HCN1: variants seen among roughly 807,000 people sequenced by gnomAD.
The protein encoded by HCN1 is potassium/sodium hyperpolarization-activated cyclic nucleotide-gated channel 1.
In HCN1, 13 loss-of-function variants were observed where a neutral mutation model predicts 78.9. The observed-to-expected ratio is 0.16, with a 90% CI of 0.11 to 0.26. The LOEUF (loss-of-function observed/expected upper bound fraction) is 0.26, where lower values mean the gene tolerates loss of function less well. Among genes scored for constraint, HCN1 ranks in the 10% least tolerant of loss-of-function variants. HCN1 has a pLI of 1.00. For missense variants in HCN1, 810 were observed against 1,154.3 expected (o/e 0.70, Z 4.32); for synonymous variants, 552 against 455.5 (o/e 1.21, Z -2.70).
At chr5:45,493,821 A>G (rs1741955485) in intron 2 of HCN1, among the ~76,000 whole-genome samples, 1 of 147,566 alleles carries the variant, frequency 6.8e-6, no homozygotes, top group South Asian at 2.1e-4. Context: ...TCATTGTTCA[A>G]TTCCCACCTA....
chr5:45,316,533 T>G (rs1045370177), intron 5 of HCN1, among the ~76,000 whole-genome samples: 1 of 152,248 alleles, frequency 6.6e-6, no homozygotes, highest in African/African-American at 2.4e-5. Context: ...TCACCACTCC[T>G]ATTCAACATA....
At chr5:45,608,027 TGC>T (rs1454272298) in intron 2 of HCN1, among the ~76,000 whole-genome samples, 10 of 152,058 alleles carry the variant, frequency 6.6e-5, no homozygotes, top group South Asian at 2.1e-4. Flanking sequence ...TTAGTAATGT[TGC>T]TGGATTTAAA....
At chr5:45,578,085 T>G (rs1418658309) in intron 2 of HCN1, among the ~76,000 whole-genome samples, 2 of 151,966 alleles carry the variant, frequency 1.3e-5, no homozygotes, top group Non-Finnish European at 2.9e-5. Context: ...AGGAAGGATA[T>G]TTTTGTCACA....
At chr5:45,463,253 A>G (rs1366675594) in intron 2 of HCN1, among the ~76,000 whole-genome samples, 1 of 152,032 alleles carries the variant, frequency 6.6e-6, no homozygotes, top group Non-Finnish European at 1.5e-5. Context: ...CTCAGAGGTA[A>G]AATGACAGGG....
At chr5:45,695,492 T>A (rs921541944) in intron 1 of HCN1, among the ~76,000 whole-genome samples, 177 bp downstream of exon 1, 2 of 152,112 alleles carry the variant, frequency 1.3e-5, no homozygotes, top group African/African-American at 2.4e-5. Flanking sequence ...GAGCCCCTCC[T>A]GGGTGGAAAC....
intron 1 of HCN1, among the ~76,000 whole-genome samples, chr5:45,658,002 T>A (rs921246284): frequency 6.6e-6 from 1 of 152,198 alleles, no homozygotes; most frequent in African/African-American, 2.4e-5. Flanking sequence ...ACTACAAGGC[T>A]ACAAGTAACC....
intron 2 of HCN1, among the ~76,000 whole-genome samples, chr5:45,497,066 G>A (rs1456257165): frequency 6.6e-6 from 1 of 152,158 alleles, no homozygotes; most frequent in African/African-American, 2.4e-5. Flanking sequence ...TGGTCTGAGA[G>A]ATAGTTTGTT....
Position 45,672,567 on chromosome 5 carries a change from T to TA in HCN1, c.425+23101dup, listed in dbSNP as rs1312900071. Among the ~76,000 whole-genome samples the TA allele has an allele frequency of 8.1e-3, 1,058 of 130,194 alleles. 4 individuals are homozygous for TA. Among genetic ancestry groups the TA allele is most frequent in the African/African-American group, 9.2e-3 (323 of 35,134 alleles). The allele number at this position is 130,194 out of a possible 152,430, so 85.4% of individuals were successfully genotyped here. On this transcript the variant is annotated intron_variant, in intron 1 of 7. Transcript: ENST00000303230. ...ATTAAAAAGTCCTTAGCGAATTAAGTAAAAAAAAAAAAAAACTAAAGTAGA... is the reference window on the plus strand; with the variant it reads ...ATTAAAAAGTCCTTAGCGAATTAAGTAAAAAAAAAAAAAAAACTAAAGTAGA...
chr5:45,341,606 T>G (rs1746583671), intron 5 of HCN1, among the ~76,000 whole-genome samples: 1 of 152,120 alleles, frequency 6.6e-6, no homozygotes, highest in Non-Finnish European at 1.5e-5. Flanking sequence ...AAAAGCAGAC[T>G]GGTTAAGCGC....
intron 2 of HCN1, among the ~76,000 whole-genome samples, chr5:45,553,307 C>T (rs143425505): frequency 1.3e-5 from 2 of 151,934 alleles, no homozygotes; most frequent in Admixed American, 6.6e-5. Context: ...TGGCTACATC[C>T]TCTCTTGCTT....
intron 5 of HCN1, among the ~76,000 whole-genome samples, chr5:45,335,383 T>C (rs1746432458): frequency 1.3e-5 from 2 of 152,106 alleles, no homozygotes; most frequent in Non-Finnish European, 2.9e-5. Flanking sequence ...CCAGCATTTA[T>C]AGAAGTATAC....
intron 6 of HCN1, among the ~76,000 whole-genome samples, chr5:45,295,349 A>C (rs909857623): frequency 3.3e-5 from 5 of 151,988 alleles, no homozygotes; most frequent in Middle Eastern, 3.2e-3. Context: ...TAAGTTCCAT[A>C]AGTATGAGTG....
intron 4 of HCN1, among the ~76,000 whole-genome samples, chr5:45,385,651 A>C (rs932243744): frequency 2.7e-5 from 4 of 150,626 alleles, no homozygotes; most frequent in Admixed American, 1.3e-4. Flanking sequence ...GGTATGTTTC[A>C]GTGGTTATTA....
chr5:45,594,211 T>C (rs1744440939), intron 2 of HCN1, among the ~76,000 whole-genome samples: 1 of 152,190 alleles, frequency 6.6e-6, no homozygotes, highest in Admixed American at 6.5e-5. Flanking sequence ...GATAGTACCA[T>C]TATTTTCCAT....
intron 5 of HCN1, among the ~76,000 whole-genome samples, chr5:45,318,704 G>T (rs1044637999): frequency 6.6e-6 from 1 of 151,816 alleles, no homozygotes; most frequent in Non-Finnish European, 1.5e-5. Flanking sequence ...CACAGTGTAG[G>T]GAGTTTCTTT....
At chr5:45,374,024 T>C (rs1236158745) in intron 4 of HCN1, among the ~76,000 whole-genome samples, 1 of 106,930 alleles carries the variant, frequency 9.4e-6, no homozygotes, top group Admixed American at 1.2e-4. Context: ...ATATATTATA[T>C]ATATTATATA....
intron 5 of HCN1, among the ~76,000 whole-genome samples, chr5:45,344,320 G>T (rs775625227): frequency 6.6e-5 from 10 of 152,014 alleles, no homozygotes. Context: ...ATTTGGGTGG[G>T]AACAGAGCCA....
chr5:45,557,204 T>C (rs71616299), intron 2 of HCN1, among the ~76,000 whole-genome samples: 1 of 152,110 alleles, frequency 6.6e-6, no homozygotes, highest in East Asian at 1.9e-4. Context: ...TTTTTTTTAA[T>C]TGTCTTTGTT....
At chr5:45,446,553 C>G (rs1029061826) in intron 3 of HCN1, among the ~76,000 whole-genome samples, 89 of 152,252 alleles carry the variant, frequency 5.8e-4, no homozygotes, top group African/African-American at 1.8e-3. Flanking sequence ...AAAGATACTC[C>G]TCGAGAAGAG....
Sources: allele counts gnomAD v4.1 joint callset (sites outside exome capture counted in the v4.1 genomes callset), GRCh38; gene constraint gnomAD v4.1.1; transcripts MANE v1.5; gene names NCBI Gene and HGNC (gene_info 2026-07-23, HGNC 2026-07-21).